ELAVL4: variants seen among roughly 807,000 people sequenced by gnomAD.
ELAVL4 encodes the protein ELAV-like protein 4.
Under a neutral mutation model 35.6 loss-of-function variants are expected in ELAVL4, and 1 was observed. That is an observed-to-expected ratio of 0.03 (90% CI 0.01 to 0.13). ELAVL4 has a LOEUF of 0.13. Ranked by LOEUF, ELAVL4 falls within the 10% of genes least tolerant of loss-of-function variation. The pLI is 1.00. For missense variants in ELAVL4, 267 were observed against 464.9 expected (o/e 0.57, Z 3.91); for synonymous variants, 156 against 171.0 (o/e 0.91, Z 0.69).
chr1:50,170,261 C>G (rs1054214372), intron 2 of ELAVL4, among the ~76,000 whole-genome samples: 11 of 152,112 alleles, frequency 7.2e-5, no homozygotes, highest in African/African-American at 2.4e-4. Context: ...CTCCTATTAA[C>G]CCCTTGAAAA....
intron 6 of ELAVL4, among the ~76,000 whole-genome samples, chr1:50,197,761 C>T (rs1234298059): frequency 2.0e-5 from 3 of 152,204 alleles, no homozygotes; most frequent in Non-Finnish European, 2.9e-5. Context: ...GAATGGCTCC[C>T]CTAAGGGGAA....
At chr1:50,100,713 T>G (rs1036589320), upstream of ELAVL4, among the ~76,000 whole-genome samples, 2 of 152,246 alleles carry the variant, frequency 1.3e-5, no homozygotes, top group Admixed American at 6.5e-5. Flanking sequence ...CTATTTCTTT[T>G]TATTGTTCAC....
intron 2 of ELAVL4, among the ~76,000 whole-genome samples, chr1:50,168,593 A>C (rs1336688930): frequency 6.6e-6 from 1 of 152,142 alleles, no homozygotes; most frequent in Non-Finnish European, 1.5e-5. Flanking sequence ...TGAACTTAGG[A>C]GCAACCAACC....
chr1:50,051,821 T>C (rs1428034479), intron 1 of ELAVL4, among the ~76,000 whole-genome samples: 2 of 152,172 alleles, frequency 1.3e-5, no homozygotes, highest in Admixed American at 6.5e-5. Context: ...TATCACAGAC[T>C]GGGAGGCTTA....
intron 1 of ELAVL4, among the ~76,000 whole-genome samples, chr1:50,139,413 A>T (rs1403983115): frequency 6.6e-6 from 1 of 152,224 alleles, no homozygotes; most frequent in Non-Finnish European, 1.5e-5. Flanking sequence ...GTTGAAGTAC[A>T]TTCTGGTCCT....
chr1:50,081,161 T>C (rs761581602), intron 1 of ELAVL4, among the ~76,000 whole-genome samples: 4 of 152,126 alleles, frequency 2.6e-5, no homozygotes, highest in Non-Finnish European at 5.9e-5. Context: ...TAAACCTTAA[T>C]TGAGAGAGCA....
chr1:50,168,974 A>ATATATATATG (rs1678486256), intron 2 of ELAVL4, among the ~76,000 whole-genome samples: 1 of 147,778 alleles, frequency 6.8e-6, no homozygotes, highest in Admixed American at 6.8e-5. Context: ...ACACACACAC[A>ATATATATATG]TATATATATG....
intron 1 of ELAVL4, among the ~76,000 whole-genome samples, chr1:50,069,686 T>C (rs1463160859): frequency 2.6e-5 from 4 of 152,202 alleles, no homozygotes; most frequent in Non-Finnish European, 4.4e-5. Context: ...GTAATAATAA[T>C]AGCAGCTTAT....
chr1:50,194,044 C>A, intron 4 of ELAVL4, 126 bp downstream of exon 4: 1 of 1,247,752 alleles, frequency 8.0e-7, no homozygotes, highest in Non-Finnish European at 1.1e-6. Flanking sequence ...AGATTTTTGA[C>A]TTGGAAGAAA....
At chr1:50,092,539 C>G (rs187130465) in intron 1 of ELAVL4, among the ~76,000 whole-genome samples, 1 of 152,202 alleles carries the variant, frequency 6.6e-6, no homozygotes, top group Non-Finnish European at 1.5e-5. Flanking sequence ...TCTCAATTCT[C>G]TGACTTTAGG....
intron 3 of ELAVL4, chr1:50,180,445 C>T (rs149644740): frequency 2.6e-5 from 4 of 152,302 alleles, no homozygotes; most frequent in African/African-American, 9.6e-5. Context: ...GAGGTACCCA[C>T]AAATGATGGT....
chr1:50,182,330 G>A (rs576824759), intron 3 of ELAVL4, among the ~76,000 whole-genome samples: 1 of 152,338 alleles, frequency 6.6e-6, no homozygotes, highest in East Asian at 1.9e-4. Flanking sequence ...TGGAATGTGA[G>A]GGTTTGGTAT....
chr1:50,131,834 A>G (rs1396876565), intron 1 of ELAVL4, among the ~76,000 whole-genome samples: 1 of 151,898 alleles, frequency 6.6e-6, no homozygotes, highest in Non-Finnish European at 1.5e-5. Flanking sequence ...AGTGAAATTA[A>G]GGGAAACTAA....
chr1:50,086,382 G>C (rs1665240344), intron 1 of ELAVL4, among the ~76,000 whole-genome samples: 1 of 151,022 alleles, frequency 6.6e-6, no homozygotes, highest in Non-Finnish European at 1.5e-5. Flanking sequence ...AATTTTTCTA[G>C]TTTGGCTTTG....
chr1:50,118,512 G>A (rs1668342814), intron 1 of ELAVL4, among the ~76,000 whole-genome samples: 1 of 151,820 alleles, frequency 6.6e-6, no homozygotes, highest in Non-Finnish European at 1.5e-5. Flanking sequence ...AAGAGAGAGA[G>A]AGAAAAGAGG....
intron 1 of ELAVL4, chr1:50,109,989 TG>T: frequency 2.5e-6 from 4 of 1,611,714 alleles, no homozygotes; most frequent in Non-Finnish European, 3.4e-6. Flanking sequence ...GAAGGCAGCC[TG>T]GAGGTCCCAG....
exon 1 of ELAVL4, chr1:50,048,100 C>A: frequency 6.9e-7 from 1 of 1,452,236 alleles, no homozygotes; most frequent in Non-Finnish European, 9.1e-7. Flanking sequence ...CGGACGTCTT[C>A]CCGCCCGCCG....
intron 2 of ELAVL4, among the ~76,000 whole-genome samples, chr1:50,168,256 G>C (rs1678313304): frequency 6.6e-6 from 1 of 152,012 alleles, no homozygotes; most frequent in African/African-American, 2.4e-5. Flanking sequence ...AGTGTCCCCA[G>C]CTTCATCAGG....
chr1:50,198,739 A>G (rs1644214868), intron 6 of ELAVL4, among the ~76,000 whole-genome samples: 1 of 152,202 alleles, frequency 6.6e-6, no homozygotes, highest in Non-Finnish European at 1.5e-5. Context: ...AGGGGAAGAC[A>G]CAGCTGTAGT....
Sources: gnomAD v4.1 joint callset for allele counts (sites outside exome capture counted in the v4.1 genomes callset) on GRCh38, gnomAD v4.1.1 for gene constraint, MANE v1.5 for transcripts, NCBI Gene and HGNC (gene_info 2026-07-23, HGNC 2026-07-21) for gene names.